CHCHD3: variants seen among roughly 807,000 people sequenced by gnomAD.
CHCHD3 encodes coiled-coil-helix-coiled-coil-helix domain containing 3.
Under a neutral mutation model 38.2 loss-of-function variants are expected in CHCHD3, and 20 were observed. The ratio of observed to expected loss-of-function variants is 0.52; its 90% confidence interval spans 0.37 to 0.76. CHCHD3 has a LOEUF of 0.76. Ranked by LOEUF, CHCHD3 falls within the 30% of genes least tolerant of loss-of-function variation. CHCHD3 has a pLI of 0.00. For synonymous variants in CHCHD3, 82 were observed against 100.0 expected (o/e 0.82, Z 1.07); for missense variants, 245 against 279.2 (o/e 0.88, Z 0.87).
intron 2 of CHCHD3, among the ~76,000 whole-genome samples, chr7:133,069,748 G>A (rs1255797608): frequency 2.0e-5 from 3 of 152,026 alleles, no homozygotes; most frequent in Non-Finnish European, 2.9e-5. Flanking sequence ...AAATTTATTA[G>A]AAAATAAAAT....
At chr7:132,925,644 T>C (rs1281308184) in intron 4 of CHCHD3, among the ~76,000 whole-genome samples, 1 of 152,158 alleles carries the variant, frequency 6.6e-6, no homozygotes, top group Admixed American at 6.5e-5. Flanking sequence ...CTCATATCTG[T>C]ACGATCTTCA....
intron 1 of CHCHD3, among the ~76,000 whole-genome samples, chr7:133,078,356 T>C (rs2117555697): frequency 6.6e-6 from 1 of 152,284 alleles, no homozygotes; most frequent in Admixed American, 6.5e-5. Flanking sequence ...CTTATGTTGT[T>C]CACTAAATGT....
intron 6 of CHCHD3, among the ~76,000 whole-genome samples, chr7:132,834,947 CATTTATTTATTTATTT>C (rs71529781): frequency 1.4e-4 from 21 of 147,382 alleles, no homozygotes; most frequent in African/African-American, 2.8e-4. Flanking sequence ...TTTTTCCTCT[CATTTATTTATTTATTT>C]ATTTATTTAT....
In CHCHD3 at chr7:132,885,697, A is replaced by G. The variant is rs376803690; in HGVS notation, c.418T>C (p.Phe140Leu). 2 of 1,609,242 alleles carry G rather than the reference A, an allele frequency of 1.2e-6. No homozygotes were observed. The highest frequency in any genetic ancestry group is 1.7e-6 in the Non-Finnish European group (2 of 1,178,496). ...AGTCTAGCCAGCTGTTCTTTGTAGA[A>G]TGCATCCTGCTTCTTTAGCACTCGG... Reference protein sequence around the residue: ...KDRVLKKQDAFYKEQLARLEE... With the variant: ...KDRVLKKQDALYKEQLARLEE... The change falls in exon 5 of 8, where the codon TTC (phenylalanine) becomes CTC (leucine). Residue 140 changes from phenylalanine to leucine, a missense_variant. Physicochemically the swap from Phe to Leu is conservative, Grantham distance 22. Coordinates refer to ENST00000262570, the MANE Select transcript of CHCHD3 (RefSeq NM_017812.4).
intron 2 of CHCHD3, among the ~76,000 whole-genome samples, chr7:133,044,775 G>T (rs1017037369): frequency 6.6e-6 from 1 of 152,240 alleles, no homozygotes; most frequent in African/African-American, 2.4e-5. Flanking sequence ...CAGTCCACTG[G>T]ATGGGTCTGC....
intron 4 of CHCHD3, among the ~76,000 whole-genome samples, chr7:132,920,252 C>T (rs1447344855): frequency 2.6e-5 from 4 of 152,152 alleles, no homozygotes; most frequent in African/African-American, 9.7e-5. Flanking sequence ...GCTACTTTCA[C>T]GCTACAATGA....
At chr7:132,961,276 T>C (rs1281050429) in intron 4 of CHCHD3, among the ~76,000 whole-genome samples, 1 of 152,140 alleles carries the variant, frequency 6.6e-6, no homozygotes, top group African/African-American at 2.4e-5. Flanking sequence ...AGAAAGACCC[T>C]GTCCCACAAA....
chr7:132,924,428 A>G (rs1242705242), intron 4 of CHCHD3, among the ~76,000 whole-genome samples: 1 of 152,102 alleles, frequency 6.6e-6, no homozygotes, highest in Non-Finnish European at 1.5e-5. Context: ...TTAAAGTCCA[A>G]TTCATTATTC....
At chr7:132,796,877 C>T (rs1305398902) in intron 6 of CHCHD3, among the ~76,000 whole-genome samples, 3 of 152,136 alleles carry the variant, frequency 2.0e-5, no homozygotes, top group Non-Finnish European at 4.4e-5. Flanking sequence ...AACTTGGAAG[C>T]CCTAAGTTCT....
intron 3 of CHCHD3, among the ~76,000 whole-genome samples, chr7:132,988,683 G>A (rs968198977): frequency 5.3e-5 from 8 of 152,104 alleles, no homozygotes; most frequent in African/African-American, 1.9e-4. Context: ...GGAGGATGAG[G>A]TGGGAGGATC....
chr7:133,043,103 A>G (rs2117484581), intron 2 of CHCHD3, among the ~76,000 whole-genome samples: 1 of 152,250 alleles, frequency 6.6e-6, no homozygotes, highest in South Asian at 2.1e-4. Context: ...TCTGAGCTCA[A>G]GCAACCCGCC....
At chr7:132,970,511 G>A (rs1811587219) in intron 4 of CHCHD3, among the ~76,000 whole-genome samples, 1 of 152,178 alleles carries the variant, frequency 6.6e-6, no homozygotes, top group Non-Finnish European at 1.5e-5. Flanking sequence ...CCAAAAGTGG[G>A]AATCCTCACA....
intron 6 of CHCHD3, among the ~76,000 whole-genome samples, chr7:132,829,587 G>A (rs1349617409): frequency 6.6e-6 from 1 of 152,168 alleles, no homozygotes; most frequent in African/African-American, 2.4e-5. Flanking sequence ...CGAAAGGAAA[G>A]AAGATGCTTG....
chr7:132,796,419 A>C, intron 7 of CHCHD3, 23 bp downstream of exon 7: 1 of 1,612,710 alleles, frequency 6.2e-7, no homozygotes, highest in Admixed American at 1.7e-5. Flanking sequence ...CAGTGCCCCC[A>C]GTGGCCTGGC....
chr7:132,871,770 G>A (rs1372467687), intron 5 of CHCHD3, among the ~76,000 whole-genome samples: 1 of 152,144 alleles, frequency 6.6e-6, no homozygotes, highest in African/African-American at 2.4e-5. Flanking sequence ...TGTGTCACAG[G>A]TACCTACCAT....
At chr7:132,980,152 G>T (rs1232593371) in intron 3 of CHCHD3, among the ~76,000 whole-genome samples, 1 of 152,162 alleles carries the variant, frequency 6.6e-6, no homozygotes, top group African/African-American at 2.4e-5. Context: ...GAAAACTACT[G>T]CCCAGATAGT....
chr7:132,963,459 G>A (rs989425998), intron 4 of CHCHD3, among the ~76,000 whole-genome samples: 47 of 148,380 alleles, frequency 3.2e-4, no homozygotes, highest in Non-Finnish European at 6.2e-4. Context: ...GTGAAACTCC[G>A]TCTCTACTAA....
intron 4 of CHCHD3, among the ~76,000 whole-genome samples, chr7:132,945,414 T>C (rs564281069): frequency 1.3e-5 from 2 of 152,112 alleles, no homozygotes; most frequent in East Asian, 1.9e-4. Context: ...ATTGTACATA[T>C]ATGTATAAAC....
In CHCHD3 at chr7:132,917,541, A is replaced by C. The variant is rs562935378; in HGVS notation, c.370-31796T>G. ...TTAATTTTTGAACCTTAGTTTCTTC[A>C]CCTAAAAAAATGGACCTAAAAATAC... On this transcript the variant is annotated intron_variant, in intron 4 of 7. Transcript: ENST00000262570. Among the ~76,000 whole-genome samples, 18 of 152,194 alleles carry C rather than the reference A, an allele frequency of 1.2e-4. No homozygotes were observed. In the South Asian group the frequency reaches 3.5e-3, roughly 30 times the overall value.
Sources: gnomAD v4.1 joint callset for allele counts (sites outside exome capture counted in the v4.1 genomes callset) on GRCh38, gnomAD v4.1.1 for gene constraint, MANE v1.5 for transcripts, NCBI Gene and HGNC (gene_info 2026-07-23, HGNC 2026-07-21) for gene names.